The following RABL3 variants were observed in gnomAD, a reference collection of about 807,000 sequenced individuals.
RABL3 encodes the protein rab-like protein 3.
In RABL3, 31 loss-of-function variants were observed where a neutral mutation model predicts 31.8. That is an observed-to-expected ratio of 0.97 (90% CI 0.73 to 1.31). The LOEUF is 1.31. Ranked by LOEUF, RABL3 falls within the 40% of genes most tolerant of loss-of-function variation. The pLI, the probability that RABL3 is intolerant of heterozygous loss-of-function variation, is 0.00. For synonymous variants in RABL3, 97 were observed against 99.9 expected (o/e 0.97, Z 0.18); for missense variants, 263 against 279.6 (o/e 0.94, Z 0.42).
chr3:120,717,005 C>A lies in RABL3; in HGVS notation c.139-7096G>T, dbSNP rs574996605. 9.6e-4 allele frequency among the ~76,000 whole-genome samples: 146 copies of A among 152,278 alleles called. 2 individuals are homozygous for A. Among genetic ancestry groups the A allele is most frequent in the African/African-American group, 2.9e-3 (121 of 41,552 alleles). On this transcript the variant is annotated intron_variant, in intron 2 of 7. Coordinates refer to ENST00000273375, the MANE Select transcript of RABL3 (RefSeq NM_173825.5). ...TGGTGGCTCACTCCTGTAATCCCAG[C>A]ACGTTGGGAGGCCTAGGTGGGTGGA...
intron 2 of RABL3, among the ~76,000 whole-genome samples, chr3:120,718,562 A>T (rs1708697663): frequency 6.6e-6 from 1 of 152,246 alleles, no homozygotes; most frequent in South Asian, 2.1e-4. Context: ...ATTCACCTAT[A>T]AGAGAATCAT....
chr3:120,725,566 G>C (rs1466437256), intron 2 of RABL3, among the ~76,000 whole-genome samples: 1 of 152,252 alleles, frequency 6.6e-6, no homozygotes, highest in East Asian at 1.9e-4. Context: ...ATCAATGGTA[G>C]AGTGGATTAA....
intron 2 of RABL3, among the ~76,000 whole-genome samples, chr3:120,729,430 A>G (rs1708857791): frequency 6.6e-6 from 1 of 152,192 alleles, no homozygotes; most frequent in Non-Finnish European, 1.5e-5. Flanking sequence ...ATTACAAGCC[A>G]TACAAGGAGA....
Position 120,706,137 on chromosome 3 carries a change from T to C in RABL3, c.269-23A>G, listed in dbSNP as rs752464372. The C allele has an allele frequency of 5.6e-6, 8 of 1,417,898 alleles. No individual in the cohort carries two copies. The Middle Eastern group carries it at 8.8e-4, about 155-fold the overall frequency. 87.8% of individuals were successfully genotyped at this position (1,417,898 alleles called of 1,614,324 possible). The stretch of plus-strand genomic sequence containing the variant: ...TACCTAAAATAATCAGAGAAAACAA[T>C]GTTAATCCCTTAACAATTCCTCTTC... On this transcript the variant is annotated intron_variant, in intron 3 of 7. Coordinates refer to ENST00000273375, the MANE Select transcript of RABL3 (RefSeq NM_173825.5).
At position 120,730,789 on chromosome 3, in the gene RABL3, T is replaced by C; in HGVS notation, c.47-2A>G. 6.2e-7 allele frequency: 1 copy of C among 1,603,000 alleles called. No homozygotes were observed. Among genetic ancestry groups the C allele is most frequent in the Non-Finnish European group, 8.5e-7 (1 of 1,170,040 alleles). On this transcript the variant is annotated splice_acceptor_variant, in intron 1 of 7. Transcript: ENST00000273375. LOFTEE classifies it high-confidence loss of function. ...GGACTAACGAAGATTTCCCAACACC[T>C]GTAAGAGATACAAGAACTCTAGTCA...
chr3:120,698,673 A>G lies in RABL3; in HGVS notation c.384-100T>C, dbSNP rs1338036298. On this transcript the variant is annotated intron_variant, in intron 4 of 7. Coordinates refer to ENST00000273375, the MANE Select transcript of RABL3 (RefSeq NM_173825.5). Reference sequence around the variant, plus strand: ...AAGTTACACTATTTTACTGAAAATTAACTGATTTTTGCTGCCTTCACCTAC... The same window carrying G: ...AAGTTACACTATTTTACTGAAAATTGACTGATTTTTGCTGCCTTCACCTAC... The G allele has an allele frequency of 2.1e-5, 23 of 1,071,368 alleles. No individual in the cohort carries two copies. In the East Asian group the frequency reaches 5.9e-4, roughly 27 times the overall value. 66.4% of individuals were successfully genotyped at this position (1,071,368 alleles called of 1,614,324 possible).
At chr3:120,723,420 A>C (rs902560675) in intron 2 of RABL3, among the ~76,000 whole-genome samples, 2 of 152,228 alleles carry the variant, frequency 1.3e-5, no homozygotes, top group African/African-American at 4.8e-5. Context: ...TCAATAGAAA[A>C]AGGGGGAATC....
At chr3:120,720,238 A>C (rs1434349577) in intron 2 of RABL3, among the ~76,000 whole-genome samples, 2 of 152,194 alleles carry the variant, frequency 1.3e-5, no homozygotes, top group East Asian at 1.9e-4. Context: ...ATGGGGAAAA[A>C]ACAGAGCAGA....
intron 2 of RABL3, among the ~76,000 whole-genome samples, chr3:120,721,388 T>A (rs571417673): frequency 3.3e-5 from 5 of 152,184 alleles, no homozygotes; most frequent in African/African-American, 9.6e-5. Flanking sequence ...AGACACAGAC[T>A]GGCAAATTGT....
At chr3:120,719,273 C>T (rs1158808887) in intron 2 of RABL3, among the ~76,000 whole-genome samples, 2 of 152,162 alleles carry the variant, frequency 1.3e-5, no homozygotes, top group East Asian at 1.9e-4. Flanking sequence ...CCAGCGTGAG[C>T]GACACAGAAG....
Position 120,694,158 on chromosome 3 carries a change from C to T in RABL3, c.601G>A (p.Asp201Asn). ...AACTTAATTGAAACCATTACCTTAT[C>T]AAAAAACCTACTGAGCTTGACAGCA... The part of the protein sequence containing the change: ...SNAVKLSRFF[D>N]KVIEKRYFLR... Residue 201 changes from aspartate (D) to asparagine (N), a missense_variant, in exon 6 of 8, where the codon GAT (aspartate) becomes AAT (asparagine). Transcript: ENST00000273375. 1 of 1,601,788 alleles carries T rather than the reference C, an allele frequency of 6.2e-7. No individual in the cohort carries two copies. Among genetic ancestry groups the T allele is most frequent in the Non-Finnish European group, 8.5e-7 (1 of 1,170,248 alleles).
chr3:120,690,424 T>G, intron 7 of RABL3, 25 bp downstream of exon 7: 1 of 1,503,934 alleles, frequency 6.6e-7, no homozygotes, highest in Non-Finnish European at 9.2e-7. Context: ...TAAGAATCTA[T>G]TTTATCAAGA....
rs1708302935 is a variant in RABL3 at position 120,685,943 on chromosome 3, ACACACTT to A, written c.*3873_*3879del. On this transcript the variant is annotated 3_prime_UTR_variant, in exon 8 of 8. Coordinates refer to ENST00000273375, the MANE Select transcript of RABL3 (RefSeq NM_173825.5). ...TCAGCAAGCACTTCAGGGGATTCTT[ACACACTT>A]CAGAGTTTGAAAGCCCTCCATGTGA... 6.6e-6 allele frequency among the ~76,000 whole-genome samples: 1 copy of A among 152,206 alleles called. No individual in the cohort carries two copies.
At chr3:120,700,425 G>A (rs1316169364) in intron 4 of RABL3, among the ~76,000 whole-genome samples, 3 of 151,834 alleles carry the variant, frequency 2.0e-5, no homozygotes, top group Non-Finnish European at 4.4e-5. Flanking sequence ...AAGACAAACA[G>A]CCATCTTCTT....
rs1226084549 is a variant in RABL3, at chr3:120,685,463, T to C, written c.*4360A>G. Among the ~76,000 whole-genome samples, 2 of 152,164 alleles carry C rather than the reference T, an allele frequency of 1.3e-5. No individual in the cohort carries two copies. Among genetic ancestry groups the C allele is most frequent in the African/African-American group, 2.4e-5 (1 of 41,420 alleles). ...ACAGTACTAGAGAGGGGGCTGTGTG[T>C]AAGATGGCAAGGCACTGGTTAGAAA... On this transcript the variant is annotated 3_prime_UTR_variant, in exon 8 of 8. Coordinates refer to ENST00000273375, the MANE Select transcript of RABL3 (RefSeq NM_173825.5).
At chr3:120,741,994 T>A (rs1439484491) in intron 1 of RABL3, among the ~76,000 whole-genome samples, 1 of 152,162 alleles carries the variant, frequency 6.6e-6, no homozygotes, top group African/African-American at 2.4e-5. Context: ...TGTCTCAGAA[T>A]TAAATGAGTT....
intron 4 of RABL3, among the ~76,000 whole-genome samples, chr3:120,700,439 C>T (rs1034926282): frequency 3.3e-5 from 5 of 151,656 alleles, no homozygotes; most frequent in Non-Finnish European, 7.4e-5. Flanking sequence ...TCTTCTTCTA[C>T]AAATAAAGTG....
chr3:120,742,560 A>C (rs1225906282), upstream of RABL3: 1 of 1,585,298 alleles, frequency 6.3e-7, no homozygotes, highest in Non-Finnish European at 8.7e-7. Context: ...TAAGCCAATC[A>C]GAGTTGGGCA....
intron 2 of RABL3, among the ~76,000 whole-genome samples, chr3:120,724,415 C>T (rs1437901901): frequency 6.6e-6 from 1 of 152,150 alleles, no homozygotes; most frequent in Non-Finnish European, 1.5e-5. Context: ...CATCAAGCTA[C>T]CAATGACTTT....
Sources: allele counts gnomAD v4.1 joint callset (sites outside exome capture counted in the v4.1 genomes callset), GRCh38; gene constraint gnomAD v4.1.1; transcripts MANE v1.5; gene names NCBI Gene and HGNC (gene_info 2026-07-23, HGNC 2026-07-21).